The following KIAA0586 variants were observed in gnomAD, a reference collection of about 807,000 sequenced individuals.
KIAA0586 encodes the protein protein TALPID3.
Under a neutral mutation model 169.8 loss-of-function variants are expected in KIAA0586, and 144 were observed. That is an observed-to-expected ratio of 0.85 (90% CI 0.74 to 0.97). KIAA0586 has a LOEUF of 0.97. Ranked by LOEUF, KIAA0586 falls within the 50% of genes least tolerant of loss-of-function variation. The pLI is 0.00. For synonymous variants in KIAA0586, 625 were observed against 612.4 expected, an observed-to-expected ratio of 1.02 and a Z score of -0.30; for missense variants, 1,854 against 1,823.0, an observed-to-expected ratio of 1.02 and a Z score of -0.31.
intron 28 of KIAA0586, among the ~76,000 whole-genome samples, 184 bp from the exon 29 acceptor site, chr14:58,512,338 C>G (rs1170641385): frequency 6.6e-6 from 1 of 151,502 alleles, no homozygotes; most frequent in East Asian, 1.9e-4. Context: ...AACGTCTTTT[C>G]TTTTGTAATA....
At chr14:58,540,434 G>T (rs2046577898) in intron 30 of KIAA0586, among the ~76,000 whole-genome samples, 2 of 152,162 alleles carry the variant, frequency 1.3e-5, no homozygotes, top group African/African-American at 4.8e-5. Flanking sequence ...AATTCCATCT[G>T]GGGGAGGTTA....
chr14:58,512,664 A>G (rs764369118), intron 29 of KIAA0586, 37 bp downstream of exon 29: 1 of 1,057,334 alleles, frequency 9.5e-7, no homozygotes, highest in Admixed American at 3.2e-5. Context: ...CAATAGTTTG[A>G]TACTTGTCTG....
chr14:58,492,066 T>A (rs1048711486), intron 25 of KIAA0586, 78 bp from the exon 26 acceptor site: 1 of 1,206,628 alleles, frequency 8.3e-7, no homozygotes, highest in Non-Finnish European at 1.1e-6. Flanking sequence ...CTGATAAGTT[T>A]TTATTAATCT....
At chr14:58,437,872 G>T (rs773512754) in intron 4 of KIAA0586, among the ~76,000 whole-genome samples, 34 of 152,102 alleles carry the variant, frequency 2.2e-4, no homozygotes, top group South Asian at 2.1e-4. Context: ...GGCTAGGGCT[G>T]GATGCATTCT....
chr14:58,481,779 C>T (rs1366901667), intron 20 of KIAA0586, among the ~76,000 whole-genome samples: 2 of 149,150 alleles, frequency 1.3e-5, no homozygotes, highest in African/African-American at 5.0e-5. Context: ...CCCCCACCCA[C>T]CCCCATACAC....
At chr14:58,556,587 C>G in the KIAA0586 span, among the ~76,000 whole-genome samples, 841 of 152,310 alleles carry the variant, frequency 5.5e-3, 7 homozygotes, top group African/African-American at 0.019. Context: ...CCTCTTCCCC[C>G]AGAAGTAACC....
downstream of KIAA0586, among the ~76,000 whole-genome samples, chr14:58,555,611 C>T (rs954452025): frequency 6.6e-5 from 10 of 152,044 alleles, no homozygotes; most frequent in African/African-American, 2.4e-4. Flanking sequence ...ACTTCCTGAT[C>T]GAATTTTGAT....
chr14:58,479,024 A>C (rs987132889), intron 20 of KIAA0586, among the ~76,000 whole-genome samples: 3 of 152,208 alleles, frequency 2.0e-5, no homozygotes, highest in African/African-American at 7.2e-5. Flanking sequence ...ATTTGTAAGC[A>C]AATCTTTGTG....
rs573888793 is a variant in KIAA0586, at chr14:58,533,015, G to A, written c.4430-7056G>A. Among the ~76,000 whole-genome samples, 8 of 152,306 alleles carry A rather than the reference G, an allele frequency of 5.3e-5. No individual in the cohort carries two copies. The South Asian group carries it at 1.7e-3, about 32-fold the overall frequency. On this transcript the variant is annotated intron_variant, in intron 29 of 30. Transcript: ENST00000652326. ...TTTTTTTGTGATAAGCCTCACAGAG[G>A]CTATGGAAAACAGGAGCACTTTTTT...
At chr14:58,499,102 CT>C in intron 27 of KIAA0586, 142 bp downstream of exon 27, 9 of 695,160 alleles carry the variant, frequency 1.3e-5, no homozygotes, top group Non-Finnish European at 1.8e-5. Context: ...TTGGTGATAA[CT>C]TTTTTTATAG....
chr14:58,551,751 G>A (rs975195979), downstream of KIAA0586, among the ~76,000 whole-genome samples: 3 of 151,650 alleles, frequency 2.0e-5, no homozygotes, highest in African/African-American at 7.3e-5. Flanking sequence ...GGGTGACAGA[G>A]TGAGACTGTC....
At chr14:58,467,075 C>CT (rs1041472539) in intron 15 of KIAA0586, among the ~76,000 whole-genome samples, 1 of 152,040 alleles carries the variant, frequency 6.6e-6, no homozygotes, top group South Asian at 2.1e-4. Flanking sequence ...ATGTAAGAGA[C>CT]TTTTTTATTT....
upstream of KIAA0586, chr14:58,427,403 TCC>T (rs2036905703): frequency 1.8e-6 from 1 of 542,292 alleles, no homozygotes; most frequent in Non-Finnish European, 3.3e-6. Context: ...TAATCCCACG[TCC>T]CTAACGGTCT....
At chr14:58,555,032 T>C (rs942290911), downstream of KIAA0586, among the ~76,000 whole-genome samples, 3 of 152,124 alleles carry the variant, frequency 2.0e-5, no homozygotes, top group Admixed American at 6.5e-5. Context: ...GAATTCCCTG[T>C]ATTGGGAACA....
intron 29 of KIAA0586, among the ~76,000 whole-genome samples, chr14:58,527,059 C>T (rs2045637405): frequency 6.6e-6 from 1 of 151,944 alleles, no homozygotes. Flanking sequence ...GTGAAGCATA[C>T]TCAAGTATCA....
At chr14:58,521,054 T>A in intron 29 of KIAA0586, 1 of 398,650 alleles carries the variant, frequency 2.5e-6, no homozygotes. Context: ...AGATGAAGAC[T>A]GAGCGGTTGT....
intron 28 of KIAA0586, among the ~76,000 whole-genome samples, chr14:58,512,009 G>A (rs968944015): frequency 6.6e-6 from 1 of 152,126 alleles, no homozygotes; most frequent in African/African-American, 2.4e-5. Context: ...AGTGCTTATG[G>A]TGGAGCGTAT....
intron 17 of KIAA0586, 83 bp downstream of exon 17, chr14:58,470,806 T>C (rs2041155848): frequency 1.5e-6 from 1 of 671,774 alleles, no homozygotes; most frequent in South Asian, 1.7e-5. Flanking sequence ...AAGCCTTTTA[T>C]CATAATGATA....
At chr14:58,440,585 G>A (rs924956791) in intron 4 of KIAA0586, among the ~76,000 whole-genome samples, 127 of 152,350 alleles carry the variant, frequency 8.3e-4, no homozygotes, top group African/African-American at 2.8e-3. Context: ...ACCCGCCTTA[G>A]CCTCCCAAAG....
Sources: allele counts gnomAD v4.1 joint callset (sites outside exome capture counted in the v4.1 genomes callset), GRCh38; gene constraint gnomAD v4.1.1; transcripts MANE v1.5; gene names NCBI Gene and HGNC (gene_info 2026-07-23, HGNC 2026-07-21).